ADAM28: variants seen among roughly 807,000 people sequenced by gnomAD.
The protein encoded by ADAM28 is disintegrin and metalloproteinase domain-containing protein 28.
ADAM28 carries 105 observed loss-of-function variants against 101.2 expected under a neutral mutation model. The observed-to-expected ratio is 1.04, with a 90% CI of 0.89 to 1.22. The LOEUF is 1.22. Among genes scored for constraint, ADAM28 ranks in the 50% most tolerant of loss-of-function variants. The pLI is 0.00. For synonymous variants in ADAM28, 322 were observed against 310.6 expected (o/e 1.04, Z -0.39); for missense variants, 1,028 against 945.4 (o/e 1.09, Z -1.15).
At chr8:24,305,589 C>G (rs575054767) in intron 2 of ADAM28, among the ~76,000 whole-genome samples, 12 of 150,160 alleles carry the variant, frequency 8.0e-5, no homozygotes, top group African/African-American at 2.9e-4. Flanking sequence ...TAAATACTTG[C>G]AAAGCACATT....
At chr8:24,343,948 C>T (rs1815104773) in intron 18 of ADAM28, among the ~76,000 whole-genome samples, 1 of 152,096 alleles carries the variant, frequency 6.6e-6, no homozygotes, top group African/African-American at 2.4e-5. Context: ...ATGTTCAGTT[C>T]TATTCTTTGA....
At chr8:24,351,539 T>A (rs1475299222) in intron 20 of ADAM28, 1 of 584,784 alleles carries the variant, frequency 1.7e-6, no homozygotes, top group African/African-American at 1.9e-5. Flanking sequence ...AGAATGCACA[T>A]ACCGGATGTC....
At chr8:24,351,192 G>T in intron 19 of ADAM28, 40 bp from the exon 20 acceptor site, 1 of 1,443,364 alleles carries the variant, frequency 6.9e-7, no homozygotes, top group Middle Eastern at 1.8e-4. Context: ...TGCTGAAGGA[G>T]CTGCTAAGTC....
intron 20 of ADAM28, among the ~76,000 whole-genome samples, chr8:24,351,779 T>TCATTTCATTTATAACATTGGTAAC (rs1423670759): frequency 2.0e-5 from 3 of 152,180 alleles, no homozygotes; most frequent in Admixed American, 2.0e-4. Context: ...ACATTGGTAA[T>TCATTTCATTTATAACATTGGTAAC]CATTTTTTGA....
At chr8:24,350,465 C>G (rs1439660785) in intron 19 of ADAM28, among the ~76,000 whole-genome samples, 3 of 152,014 alleles carry the variant, frequency 2.0e-5, no homozygotes, top group Non-Finnish European at 4.4e-5. Flanking sequence ...GCACATACCA[C>G]CACACCGGGT....
At chr8:24,341,273 T>G (rs767475982) in intron 15 of ADAM28, 1 of 212,774 alleles carries the variant, frequency 4.7e-6, no homozygotes, top group African/African-American at 2.3e-5. Flanking sequence ...TGAGAAAATG[T>G]TGAGAAATAG....
At chr8:24,303,305 A>G (rs1187266727) in intron 2 of ADAM28, among the ~76,000 whole-genome samples, 1 of 151,942 alleles carries the variant, frequency 6.6e-6, no homozygotes, top group Non-Finnish European at 1.5e-5. Flanking sequence ...ATCTATCTTG[A>G]GTTAATTTTT....
At chr8:24,352,729 C>T (rs1816310771) in intron 21 of ADAM28, among the ~76,000 whole-genome samples, 1 of 152,138 alleles carries the variant, frequency 6.6e-6, no homozygotes, top group South Asian at 2.1e-4. Context: ...AGCAATCAAA[C>T]TCATATTTTA....
chr8:24,307,220 T>C (rs1401440943), intron 2 of ADAM28, among the ~76,000 whole-genome samples: 1 of 152,184 alleles, frequency 6.6e-6, no homozygotes, highest in African/African-American at 2.4e-5. Context: ...TCTCTGTATA[T>C]CCCATGAAAG....
intron 22 of ADAM28, 101 bp downstream of exon 22, chr8:24,353,933 A>G: frequency 2.6e-6 from 2 of 775,152 alleles, no homozygotes; most frequent in Non-Finnish European, 4.1e-6. Flanking sequence ...TACTAAGAAC[A>G]GTATCTGTAT....
At chr8:24,341,808 T>G in intron 16 of ADAM28, 51 bp downstream of exon 16, 2 of 1,610,382 alleles carry the variant, frequency 1.2e-6, no homozygotes, top group Non-Finnish European at 1.7e-6. Flanking sequence ...TACTTTGGTG[T>G]GCTTTGTTGT....
At position 24,357,762 on chromosome 8, in the gene ADAM28, T is replaced by C. The variant is rs1046931541; in HGVS notation, c.*3358T>C. On this transcript the variant is annotated 3_prime_UTR_variant, in exon 23 of 23. Coordinates refer to ENST00000265769, the MANE Select transcript of ADAM28 (RefSeq NM_014265.6). ...AATAGGCTTTCATCACTGCAAAACT[T>C]TTTTTCCTTTCTTTGTGTCTCTAGT... The C allele has an allele frequency of 9.0e-5, 1 of 11,116 alleles. No individual in the cohort carries two copies. The highest frequency in any genetic ancestry group is 2.7e-4 in the Non-Finnish European group (1 of 3,644). The allele number at this position is 11,116 out of a possible 1,614,324, so 0.7% of individuals were successfully genotyped here.
At chr8:24,327,442 A>G (rs1257962385) in intron 10 of ADAM28, among the ~76,000 whole-genome samples, 1 of 152,176 alleles carries the variant, frequency 6.6e-6, no homozygotes, top group Non-Finnish European at 1.5e-5. Flanking sequence ...AAGAATCAAT[A>G]TCATGGAAAT....
rs1816821655 is a variant in ADAM28 at position 24,358,478 on chromosome 8, A to T, written c.*4074A>T. On this transcript the variant is annotated 3_prime_UTR_variant, in exon 23 of 23. Coordinates refer to ENST00000265769, the MANE Select transcript of ADAM28 (RefSeq NM_014265.6). ...TTTCTCCAAAGTGGGCCAAGCCAAG[A>T]GTGGCACAGCTGTGTGGAGATACTG... 1 of 152,168 alleles carries T rather than the reference A, an allele frequency of 6.6e-6. No individual in the cohort carries two copies. Among genetic ancestry groups the T allele is most frequent in the Non-Finnish European group, 1.5e-5 (1 of 68,022 alleles). 9.4% of individuals were successfully genotyped at this position (152,168 alleles called of 1,614,324 possible). A position where few individuals can be genotyped will look rare whatever the true frequency, so the allele number is the denominator to read the frequency against.
At chr8:24,298,604 C>T (rs902715326) in intron 1 of ADAM28, among the ~76,000 whole-genome samples, 1 of 152,078 alleles carries the variant, frequency 6.6e-6, no homozygotes, top group East Asian at 1.9e-4. Context: ...ATGTATCTCA[C>T]CATAGAACTT....
chr8:24,357,689 T>C lies in ADAM28; in HGVS notation c.*3285T>C, dbSNP rs71515868. The C allele has an allele frequency of 6.6e-5, 10 of 152,244 alleles. No individual in the cohort carries two copies. The highest frequency in any genetic ancestry group is 2.1e-4 in the South Asian group (1 of 4,824). 9.4% of individuals were successfully genotyped at this position (152,244 alleles called of 1,614,324 possible). A position where few individuals can be genotyped will look rare whatever the true frequency, so the allele number is the denominator to read the frequency against. ...GGGATGGACACAGAGCCAAACCATA[T>C]AATGTTTTAAATGCTCCAGATAGGT... On this transcript the variant is annotated 3_prime_UTR_variant, in exon 23 of 23. Coordinates refer to ENST00000265769, the MANE Select transcript of ADAM28 (RefSeq NM_014265.6).
At chr8:24,339,224 C>T (rs1045041723) in intron 14 of ADAM28, among the ~76,000 whole-genome samples, 3 of 152,002 alleles carry the variant, frequency 2.0e-5, no homozygotes, top group East Asian at 1.9e-4. Context: ...GAGTTTGTTA[C>T]AGAGTAACAG....
chr8:24,330,744 T>G (rs2129307127), intron 11 of ADAM28, among the ~76,000 whole-genome samples: 1 of 152,290 alleles, frequency 6.6e-6, no homozygotes, highest in East Asian at 1.9e-4. Flanking sequence ...CTCTCCCCTC[T>G]ATTACAGCAG....
chr8:24,351,569 C>T lies in ADAM28; in HGVS notation c.2178+259C>T, dbSNP rs1032313794. The stretch of plus-strand genomic sequence containing the variant: ...GATGTCTGTCTGTCTCTCTCTTTGT[C>T]TCTGCTTCATTCTCTCTCCCTCTCT... On this transcript the variant is annotated intron_variant, in intron 20 of 22. Transcript: ENST00000265769. 9.2e-6 allele frequency: 5 copies of T among 543,582 alleles called. No homozygotes were observed. The African/African-American group carries it at 9.5e-5, about 10-fold the overall frequency. 33.7% of individuals were successfully genotyped at this position (543,582 alleles called of 1,614,324 possible). A position where few individuals can be genotyped will look rare whatever the true frequency, so the allele number is the denominator to read the frequency against.
Sources: allele counts gnomAD v4.1 joint callset (sites outside exome capture counted in the v4.1 genomes callset), GRCh38; gene constraint gnomAD v4.1.1; transcripts MANE v1.5; gene names NCBI Gene and HGNC (gene_info 2026-07-23, HGNC 2026-07-21).